The following DISP1 variants were observed in gnomAD, a reference collection of about 807,000 sequenced individuals.
The protein encoded by DISP1 is dispatched RND transporter family member 1.
Under a neutral mutation model 37.3 loss-of-function variants are expected in DISP1, and 30 were observed. The observed-to-expected ratio is 0.80, with a 90% confidence interval of 0.60 to 1.09. The LOEUF (loss-of-function observed/expected upper bound fraction) is 1.09. Ranked by LOEUF, DISP1 falls within the 50% of genes least tolerant of loss-of-function variation. DISP1 has a pLI of 0.00. For missense variants in DISP1, 1,598 were observed against 1,879.5 expected (o/e 0.85, Z 2.77); for synonymous variants, 634 against 690.2 (o/e 0.92, Z 1.28).
intron 1 of DISP1, among the ~76,000 whole-genome samples, chr1:222,815,421 C>A (rs892085512): frequency 2.0e-5 from 3 of 151,728 alleles, no homozygotes; most frequent in African/African-American, 7.3e-5. Flanking sequence ...CGGGTCCTGG[C>A]GGATTGACTG....
At chr1:222,872,110 T>C (rs1218339988) in intron 1 of DISP1, among the ~76,000 whole-genome samples, 1 of 151,990 alleles carries the variant, frequency 6.6e-6, no homozygotes, top group African/African-American at 2.4e-5. Context: ...TCATGTTGAA[T>C]CAGCCTTGCA....
At chr1:222,985,447 C>T (rs1034886315) in intron 4 of DISP1, among the ~76,000 whole-genome samples, 3 of 152,116 alleles carry the variant, frequency 2.0e-5, no homozygotes, top group East Asian at 1.9e-4. Flanking sequence ...GTCAGGAGTT[C>T]GAGACCAGCC....
Position 223,002,444 on chromosome 1 carries a change from C to T in DISP1, c.1047C>T (p.Cys349=). Reference sequence around the variant, plus strand: ...AGAGGACCACTGCTGCCTCCTGCTGCCCCAGCTGGACACTGGGAAACTACA... The same window carrying T: ...AGAGGACCACTGCTGCCTCCTGCTGTCCCAGCTGGACACTGGGAAACTACA... ...LCQRTTAASC[C]PSWTLGNYIA... is the part of the protein sequence containing the mutation. The change falls in exon 9 of 9, where the codon TGC becomes TGT. Residue 349 remains cysteine, a synonymous_variant. Coordinates refer to ENST00000675850, the MANE Select transcript of DISP1 (RefSeq NM_001377229.1). 1 of 1,614,132 alleles carries T rather than the reference C, an allele frequency of 6.2e-7. No individual in the cohort carries two copies. Among genetic ancestry groups the T allele is most frequent in the Non-Finnish European group, 8.5e-7 (1 of 1,180,022 alleles).
At chr1:222,868,720 G>T (rs1669343287) in intron 1 of DISP1, among the ~76,000 whole-genome samples, 1 of 152,120 alleles carries the variant, frequency 6.6e-6, no homozygotes, top group East Asian at 1.9e-4. Context: ...CTCTACTCTG[G>T]TATTTCTAAT....
chr1:222,908,178 CTCAAA>C (rs1672012382), intron 1 of DISP1, among the ~76,000 whole-genome samples: 1 of 151,970 alleles, frequency 6.6e-6, no homozygotes, highest in Admixed American at 6.6e-5. Flanking sequence ...AAAAAACTGG[CTCAAA>C]TCAGAACAGT....
At chr1:222,991,373 C>A in intron 5 of DISP1, 147 bp from the exon 6 acceptor site, 2 of 885,200 alleles carry the variant, frequency 2.3e-6, no homozygotes, top group Non-Finnish European at 1.8e-6. Context: ...TGTTTTAATG[C>A]AGTCACCTCT....
chr1:222,980,197 G>C (rs940576051), intron 3 of DISP1, among the ~76,000 whole-genome samples: 1 of 152,190 alleles, frequency 6.6e-6, no homozygotes, highest in Non-Finnish European at 1.5e-5. Flanking sequence ...TTATGTTTAA[G>C]TTACTATTAG....
chr1:222,818,329 C>T (rs1333947217), intron 1 of DISP1, among the ~76,000 whole-genome samples: 3 of 152,120 alleles, frequency 2.0e-5, no homozygotes, highest in Non-Finnish European at 2.9e-5. Flanking sequence ...ACAGATGATG[C>T]ACTCCTTTGT....
chr1:223,004,169 G>A lies in DISP1; in HGVS notation c.2772G>A (p.Val924=). Residue 924 remains valine (V), a synonymous_variant, in exon 9 of 9, where the codon GTG becomes GTA. Transcript: ENST00000675850. The surrounding 1 kb of genome is among the most constrained non-coding windows in gnomAD (Gnocchi z 4.9). ...TCAATGATACTATCAGGGCAGTGGT[G>A]TTAGAGTTCCAGAGTACCTACCTCT... ...FDINDTIRAV[V]LEFQSTYLFT... 1 of 1,614,180 alleles carries A rather than the reference G, an allele frequency of 6.2e-7. No individual in the cohort carries two copies. Among genetic ancestry groups the A allele is most frequent in the Non-Finnish European group, 8.5e-7 (1 of 1,180,016 alleles).
Position 223,005,427 on chromosome 1 carries a change from C to G in DISP1, c.4030C>G (p.Pro1344Ala). ...TCCCTGCCTGCAGGGCAGAGTAAAGCCAGCCGGAATGCAGAATTCTCTGCC... is the reference window on the plus strand; with the variant it reads ...TCCCTGCCTGCAGGGCAGAGTAAAGGCAGCCGGAATGCAGAATTCTCTGCC... ...HCPCLQGRVK[P>A]AGMQNSLPRN... Residue 1344 changes from proline to alanine, a missense_variant, in exon 9 of 9, where the codon CCA becomes GCA. Pro to Ala is a conservative substitution (Grantham distance 27, BLOSUM62 -1). Coordinates refer to ENST00000675850, the MANE Select transcript of DISP1 (RefSeq NM_001377229.1). 6.2e-7 allele frequency: 1 copy of G among 1,613,528 alleles called. No individual in the cohort carries two copies. Among genetic ancestry groups the G allele is most frequent in the East Asian group, 2.2e-5 (1 of 44,862 alleles).
chr1:222,864,040 C>T (rs1432941422), intron 1 of DISP1, among the ~76,000 whole-genome samples: 4 of 152,060 alleles, frequency 2.6e-5, no homozygotes, highest in African/African-American at 4.8e-5. Context: ...GGCTCTAGAC[C>T]CTCTCAGATC....
chr1:222,838,404 T>G (rs1433220845), intron 1 of DISP1, among the ~76,000 whole-genome samples: 2 of 152,190 alleles, frequency 1.3e-5, no homozygotes, highest in African/African-American at 4.8e-5. Flanking sequence ...TTTTTACTTT[T>G]CTAGTGTCTG....
intron 3 of DISP1, among the ~76,000 whole-genome samples, chr1:222,977,902 A>G (rs1400328145): frequency 2.0e-5 from 3 of 152,198 alleles, no homozygotes; most frequent in African/African-American, 4.8e-5. Context: ...TCCATGGTGT[A>G]TATGTGCCAC....
chr1:222,966,196 C>G (rs1301383925), intron 3 of DISP1, among the ~76,000 whole-genome samples: 1 of 152,070 alleles, frequency 6.6e-6, no homozygotes, highest in Non-Finnish European at 1.5e-5. Context: ...CTTATTGTAA[C>G]TAGATATTGT....
chr1:222,827,253 A>G (rs887050867), intron 1 of DISP1: 2 of 152,206 alleles, frequency 1.3e-5, no homozygotes, highest in African/African-American at 2.4e-5. Context: ...TCTTAGATAC[A>G]TAATTTTTAT....
At chr1:222,901,333 A>C (rs1296080779) in intron 1 of DISP1, among the ~76,000 whole-genome samples, 1 of 152,198 alleles carries the variant, frequency 6.6e-6, no homozygotes, top group African/African-American at 2.4e-5. Context: ...GAGACAAAAA[A>C]TAGGTTTTCT....
At chr1:222,975,782 G>A (rs1290168235) in intron 3 of DISP1, among the ~76,000 whole-genome samples, 2 of 152,168 alleles carry the variant, frequency 1.3e-5, no homozygotes, top group African/African-American at 2.4e-5. Context: ...AGTGCCAAGG[G>A]CAATTTGTTA....
intron 7 of DISP1, 121 bp from the exon 8 acceptor site, chr1:222,994,764 C>A: frequency 1.4e-6 from 1 of 708,972 alleles, no homozygotes; most frequent in Non-Finnish European, 2.4e-6. Context: ...AAAGAATTTC[C>A]TGCTGCTAAT....
At chr1:222,965,903 C>T (rs2102616533) in intron 3 of DISP1, among the ~76,000 whole-genome samples, 1 of 152,150 alleles carries the variant, frequency 6.6e-6, no homozygotes, top group Non-Finnish European at 1.5e-5. Flanking sequence ...GTAGTACATG[C>T]CTGTGGTGCC....
Sources: allele counts gnomAD v4.1 joint callset (sites outside exome capture counted in the v4.1 genomes callset), GRCh38; gene constraint gnomAD v4.1.1; non-coding constraint Gnocchi (gnomAD v3.1); transcripts MANE v1.5; gene names NCBI Gene and HGNC (gene_info 2026-07-23, HGNC 2026-07-21).